The following RGS14 variants were observed in gnomAD, a reference collection of about 807,000 sequenced individuals.
RGS14 encodes regulator of G protein signaling 14.
A neutral mutation model predicts 63.8 loss-of-function variants in RGS14; 33 were observed. The observed-to-expected ratio is 0.52, with a 90% confidence interval of 0.39 to 0.69. RGS14 has a LOEUF of 0.69. RGS14 is among the 30% of genes least tolerant of loss of function. RGS14 has a pLI of 0.00. For synonymous variants in RGS14, 296 were observed against 320.9 expected (o/e 0.92, Z 0.83); for missense variants, 739 against 742.9 (o/e 0.99, Z 0.06).
chr5:177,366,391 G>A lies in RGS14; in HGVS notation c.246+36G>A, dbSNP rs73804308. 9,768 of 1,506,120 alleles carry A rather than the reference G, an allele frequency of 6.5e-3. 490 individuals are homozygous for A. In the African/African-American group the frequency reaches 0.11, roughly 18 times the overall value. The allele number at this position is 1,506,120 out of a possible 1,614,324, so 93.3% of individuals were successfully genotyped here. ...GGTAGGGAAAGGGAAGGGGGGACAC[G>A]GGAGAGGGCAGGGCGTGGATGGAGC... On this transcript the variant is annotated intron_variant, in intron 3 of 14. Coordinates refer to ENST00000408923, the MANE Select transcript of RGS14 (RefSeq NM_006480.5).
At position 177,371,068 on chromosome 5, in the gene RGS14, C is replaced by T; in HGVS notation, c.1254+37C>T. The T allele has an allele frequency of 1.7e-6, 1 of 599,800 alleles. No individual in the cohort carries two copies. Among genetic ancestry groups the T allele is most frequent in the East Asian group, 9.3e-5 (1 of 10,718 alleles). The allele number at this position is 599,800 out of a possible 1,614,324, so 37.2% of individuals were successfully genotyped here. On this transcript the variant is annotated intron_variant, in intron 11 of 14. Transcript: ENST00000408923. The surrounding 1 kb of genome is among the most constrained non-coding windows in gnomAD (Gnocchi z 6.1). Reference sequence around the variant, plus strand: ...GGCCGCGGGGCGGGGCGGGGCGGGGCCGGGCCGGGGCCGGGGCCGGGGCCG... The same window carrying T: ...GGCCGCGGGGCGGGGCGGGGCGGGGTCGGGCCGGGGCCGGGGCCGGGGCCG...
At position 177,371,752 on chromosome 5, in the gene RGS14, G is replaced by T; in HGVS notation, c.1499-121G>T. The T allele has an allele frequency of 8.1e-7, 1 of 1,236,762 alleles. No homozygotes were observed. Among genetic ancestry groups the T allele is most frequent in the Admixed American group, 2.1e-5 (1 of 47,176 alleles). The allele number at this position is 1,236,762 out of a possible 1,614,324, so 76.6% of individuals were successfully genotyped here. On this transcript the variant is annotated intron_variant, in intron 14 of 14. Transcript: ENST00000408923. This position sits in a 1 kb window ranked among gnomAD's most constrained non-coding sequence, Gnocchi z 6.1. ...GGGGTCAAAGGGGCTGGAACAGGGG[G>T]CCGCAGGCCATTGGTGCTGGGGCCA...
At chr5:177,369,327 C>G (rs1195657196) in intron 9 of RGS14, among the ~76,000 whole-genome samples, 1 of 152,192 alleles carries the variant, frequency 6.6e-6, no homozygotes, top group Non-Finnish European at 1.5e-5. Flanking sequence ...TAGGTGCAAA[C>G]TAGCTTAAAC....
chr5:177,365,109 C>T (rs1057337101), intron 1 of RGS14, among the ~76,000 whole-genome samples: 1 of 152,200 alleles, frequency 6.6e-6, no homozygotes, highest in Admixed American at 6.5e-5. Flanking sequence ...GCAGAGACAC[C>T]TCTCCTTCCT....
Position 177,367,040 on chromosome 5 carries a change from C to T in RGS14, c.483+6C>T. 1 of 1,605,160 alleles carries T rather than the reference C, an allele frequency of 6.2e-7. No individual in the cohort carries two copies. The highest frequency in any genetic ancestry group is 1.1e-5 in the South Asian group (1 of 89,748). On this transcript the variant is annotated splice_donor_region_variant and intron_variant, in intron 5 of 14. Coordinates refer to ENST00000408923, the MANE Select transcript of RGS14 (RefSeq NM_006480.5). ...TTCGGGCACAGCAGCTTCAGGTGGG[C>T]GATCCTGGGGGGATTGGCCTTGAAA... is the stretch of plus-strand genomic sequence containing the variant.
intron 1 of RGS14, among the ~76,000 whole-genome samples, chr5:177,363,989 G>T (rs2127328591): frequency 6.6e-6 from 1 of 152,270 alleles, no homozygotes; most frequent in South Asian, 2.1e-4. Flanking sequence ...AAAATCTCTT[G>T]CTTTTTAAAT....
In RGS14 at chr5:177,357,997, G is replaced by C; in HGVS notation, c.-28G>C. ...ACAGTCCCCATGGTGGGCAGCCCCC[G>C]CGGCGGGGACCCCTGATCGGCAGCG... On this transcript the variant is annotated 5_prime_UTR_variant, in exon 1 of 15. Coordinates refer to ENST00000408923, the MANE Select transcript of RGS14 (RefSeq NM_006480.5). 7.5e-7 allele frequency: 1 copy of C among 1,342,226 alleles called. No homozygotes were observed. Among genetic ancestry groups the C allele is most frequent in the Non-Finnish European group, 9.6e-7 (1 of 1,038,110 alleles). The allele number at this position is 1,342,226 out of a possible 1,614,324, so 83.1% of individuals were successfully genotyped here.
chr5:177,358,021 C>A lies in RGS14; in HGVS notation c.-4C>A. The stretch of plus-strand genomic sequence containing the variant: ...CGCGGCGGGGACCCCTGATCGGCAG[C>A]GGCATGCCAGGGAAGCCCAAGCACC... On this transcript the variant is annotated 5_prime_UTR_variant, in exon 1 of 15. Coordinates refer to ENST00000408923, the MANE Select transcript of RGS14 (RefSeq NM_006480.5). This position sits in a 1 kb window ranked among gnomAD's most constrained non-coding sequence, Gnocchi z 4.8. 1 of 1,359,060 alleles carries A rather than the reference C, an allele frequency of 7.4e-7. No individual in the cohort carries two copies. Among genetic ancestry groups the A allele is most frequent in the Non-Finnish European group, 9.6e-7 (1 of 1,045,874 alleles). The allele number at this position is 1,359,060 out of a possible 1,614,324, so 84.2% of individuals were successfully genotyped here. A position where few individuals can be genotyped will look rare whatever the true frequency, so the allele number is the denominator to read the frequency against.
At position 177,367,779 on chromosome 5, in the gene RGS14, C is replaced by T. The variant is rs765437081; in HGVS notation, c.693C>T (p.Pro231=). 1.9e-6 allele frequency: 3 copies of T among 1,611,740 alleles called. No individual in the cohort carries two copies. Among genetic ancestry groups the T allele is most frequent in the Non-Finnish European group, 1.7e-6 (2 of 1,179,170 alleles). ...LGVEELGQLP[P]VEGPGGRPLR... Reference sequence around the variant, plus strand: ...TGGAGGAGTTGGGGCAGCTGCCACCCGTTGAGGGTCCTGGGGGCCGCCCTC... The same window carrying T: ...TGGAGGAGTTGGGGCAGCTGCCACCTGTTGAGGGTCCTGGGGGCCGCCCTC... The change falls in exon 7 of 15, where the codon CCC becomes CCT. Residue 231 remains proline (P), a synonymous_variant. Coordinates refer to ENST00000408923, the MANE Select transcript of RGS14 (RefSeq NM_006480.5).
intron 8 of RGS14, 81 bp from the exon 9 acceptor site, chr5:177,368,636 C>G (rs1399896932): frequency 5.6e-6 from 8 of 1,438,328 alleles, no homozygotes; most frequent in Admixed American, 3.6e-5. Context: ...TGAGCCCCAG[C>G]AAGCTTACCT....
Position 177,366,758 on chromosome 5 carries a change from C to T in RGS14, c.297C>T (p.Ala99=). ...CGGAAAACGTGACTTTCTGGAAGGC[C>T]TGCGAGCGCTTCCAGCAGATCCCGG... is the stretch of plus-strand genomic sequence containing the variant. ...FSAENVTFWK[A]CERFQQIPAS... The change falls in exon 4 of 15, where the codon GCC becomes GCT. Residue 99 remains alanine (A), a synonymous_variant. Coordinates refer to ENST00000408923, the MANE Select transcript of RGS14 (RefSeq NM_006480.5). 1 of 1,614,172 alleles carries T rather than the reference C, an allele frequency of 6.2e-7. No individual in the cohort carries two copies. Among genetic ancestry groups the T allele is most frequent in the Non-Finnish European group, 8.5e-7 (1 of 1,180,012 alleles).
In RGS14 at chr5:177,367,806, C is replaced by G; in HGVS notation, c.720C>G (p.Leu240=). 2 of 1,598,794 alleles carry G rather than the reference C, an allele frequency of 1.3e-6. No individual in the cohort carries two copies. The highest frequency in any genetic ancestry group is 1.7e-6 in the Non-Finnish European group (2 of 1,172,104). The change falls in exon 7 of 15, where the codon CTC becomes CTG. Residue 240 remains leucine (L), a synonymous_variant. Coordinates refer to ENST00000408923, the MANE Select transcript of RGS14 (RefSeq NM_006480.5). The stretch of plus-strand genomic sequence containing the variant: ...TTGAGGGTCCTGGGGGCCGCCCTCT[C>G]CGCAAGTCCTTCCGCCGGGGTGAGG... ...PPVEGPGGRP[L]RKSFRRELGG...
chr5:177,370,331 C>T (rs1299803372), intron 9 of RGS14, among the ~76,000 whole-genome samples: 1 of 152,212 alleles, frequency 6.6e-6, no homozygotes, highest in Non-Finnish European at 1.5e-5. Flanking sequence ...ATGCCAGCAG[C>T]TACGTTTCTC....
chr5:177,366,077 A>C (rs1270623340), intron 2 of RGS14, 93 bp downstream of exon 2: 17 of 1,571,602 alleles, frequency 1.1e-5, no homozygotes, highest in Non-Finnish European at 1.4e-5. Context: ...CTATCTTTCC[A>C]GGGAACATGG....
chr5:177,366,106 G>GGGGA, intron 2 of RGS14, 71 bp from the exon 3 acceptor site: 6 of 1,603,068 alleles, frequency 3.7e-6, no homozygotes, highest in Non-Finnish European at 5.1e-6. Context: ...TGGATGCATG[G>GGGGA]GGGAGGGTGG....
Position 177,371,266 on chromosome 5 carries a change from G to C in RGS14, c.1336+20G>C, listed in dbSNP as rs1276497836. 1 of 1,614,134 alleles carries C rather than the reference G, an allele frequency of 6.2e-7. No individual in the cohort carries two copies. Among genetic ancestry groups the C allele is most frequent in the East Asian group, 2.2e-5 (1 of 44,878 alleles). ...TTCCAGGTAGGGGACGCTGGCCTCG[G>C]GGCTTGATCTGGAACAGCTGTGGCC... On this transcript the variant is annotated intron_variant, in intron 12 of 14. Coordinates refer to ENST00000408923, the MANE Select transcript of RGS14 (RefSeq NM_006480.5). This position sits in a 1 kb window ranked among gnomAD's most constrained non-coding sequence, Gnocchi z 6.1.
In RGS14 at chr5:177,371,748, G is replaced by C. The variant is rs907358875; in HGVS notation, c.1499-125G>C. 4.9e-6 allele frequency: 6 copies of C among 1,226,478 alleles called. No homozygotes were observed. The highest frequency in any genetic ancestry group is 2.4e-5 in the East Asian group (1 of 41,958). The allele number at this position is 1,226,478 out of a possible 1,614,324, so 76.0% of individuals were successfully genotyped here. On this transcript the variant is annotated intron_variant, in intron 14 of 14. Coordinates refer to ENST00000408923, the MANE Select transcript of RGS14 (RefSeq NM_006480.5). The surrounding 1 kb of genome is among the most constrained non-coding windows in gnomAD (Gnocchi z 6.1). The stretch of plus-strand genomic sequence containing the variant: ...TTGGGGGGTCAAAGGGGCTGGAACA[G>C]GGGGCCGCAGGCCATTGGTGCTGGG...
At chr5:177,367,195 TA>T in intron 5 of RGS14, 161 bp downstream of exon 5, 1 of 1,122,288 alleles carries the variant, frequency 8.9e-7, no homozygotes, top group Non-Finnish European at 1.2e-6. Flanking sequence ...CAGAGGGCGG[TA>T]TCAGAGGCAC....
chr5:177,367,397 C>A lies in RGS14; in HGVS notation c.484-17C>A. 2 of 1,586,684 alleles carry A rather than the reference C, an allele frequency of 1.3e-6. No individual in the cohort carries two copies. Among genetic ancestry groups the A allele is most frequent in the Non-Finnish European group, 1.7e-6 (2 of 1,164,600 alleles). Reference sequence around the variant, plus strand: ...CCACCCCAGCCCCGGCTCACCTGTTCCGGGGTCGCCCCGCAGATCTTCAAC... The same window carrying A: ...CCACCCCAGCCCCGGCTCACCTGTTACGGGGTCGCCCCGCAGATCTTCAAC... On this transcript the variant is annotated splice_polypyrimidine_tract_variant and intron_variant, in intron 5 of 14. Transcript: ENST00000408923.
Sources: allele counts gnomAD v4.1 joint callset (sites outside exome capture counted in the v4.1 genomes callset), GRCh38; gene constraint gnomAD v4.1.1; non-coding constraint Gnocchi (gnomAD v3.1); transcripts MANE v1.5; gene names NCBI Gene and HGNC (gene_info 2026-07-23, HGNC 2026-07-21).